The following KCTD8 variants were observed in gnomAD, a reference collection of about 807,000 sequenced individuals.
KCTD8 encodes potassium channel tetramerization domain containing 8, also known as BTB/POZ domain-containing protein KCTD8.
In KCTD8, 27 loss-of-function variants were observed where a neutral mutation model predicts 31.5. The ratio of observed to expected loss-of-function variants is 0.86; its 90% CI spans 0.63 to 1.18. The LOEUF (loss-of-function observed/expected upper bound fraction) is 1.18, where lower values mean the gene tolerates loss of function less well. Among genes scored for constraint, KCTD8 ranks in the 50% most tolerant of loss-of-function variants. KCTD8 has a pLI of 0.00. For missense variants in KCTD8, 658 were observed against 647.7 expected (o/e 1.02, Z -0.17); for synonymous variants, 290 against 280.0 (o/e 1.04, Z -0.36).
intron 1 of KCTD8, among the ~76,000 whole-genome samples, chr4:44,384,432 G>A (rs1577647885): frequency 6.6e-6 from 1 of 151,852 alleles, no homozygotes; most frequent in Non-Finnish European, 1.5e-5. Context: ...TTTTAAAAAT[G>A]TGGTATATAC....
intron 1 of KCTD8, among the ~76,000 whole-genome samples, chr4:44,228,293 T>C (rs955488390): frequency 6.6e-6 from 1 of 152,198 alleles, no homozygotes; most frequent in African/African-American, 2.4e-5. Flanking sequence ...TGTCTTCTCA[T>C]GGTCTTCTCT....
At chr4:44,215,087 A>C (rs1327001375) in intron 1 of KCTD8, among the ~76,000 whole-genome samples, 1 of 151,790 alleles carries the variant, frequency 6.6e-6, no homozygotes, top group African/African-American at 2.4e-5. Context: ...ATCAATCAAC[A>C]CTCCCCACTT....
chr4:44,213,899 C>T (rs1714566265), intron 1 of KCTD8, among the ~76,000 whole-genome samples: 1 of 152,110 alleles, frequency 6.6e-6, no homozygotes. Flanking sequence ...CTCTGAAAAA[C>T]TCCCCTTTTA....
intron 1 of KCTD8, among the ~76,000 whole-genome samples, chr4:44,323,929 A>T (rs1718373844): frequency 2.0e-5 from 3 of 151,912 alleles, no homozygotes; most frequent in Non-Finnish European, 4.4e-5. Context: ...GCATTGGGAG[A>T]TATACCTAAT....
At chr4:44,409,572 G>C (rs1347774540) in intron 1 of KCTD8, among the ~76,000 whole-genome samples, 2 of 152,062 alleles carry the variant, frequency 1.3e-5, no homozygotes, top group African/African-American at 2.4e-5. Flanking sequence ...GGGAGCTTGG[G>C]AGATACCTGT....
At chr4:44,345,773 A>G (rs1488752331) in intron 1 of KCTD8, among the ~76,000 whole-genome samples, 2 of 152,112 alleles carry the variant, frequency 1.3e-5, no homozygotes, top group Admixed American at 1.3e-4. Flanking sequence ...TATCCTCTCA[A>G]CTAGACTCCA....
In KCTD8 at chr4:44,338,403, T is replaced by C. The variant is rs532055020; in HGVS notation, c.961+109160A>G. ...AAGTGAAGGTTTAACAGGTAAAGCT[T>C]ATATCTCTAGGAAAACTATTCAGTA... On this transcript the variant is annotated intron_variant, in intron 1 of 1. Coordinates refer to ENST00000360029, the MANE Select transcript of KCTD8 (RefSeq NM_198353.3). Among the ~76,000 whole-genome samples, 249 of 152,148 alleles carry C rather than the reference T, an allele frequency of 1.6e-3. 1 individual carries two copies. Among genetic ancestry groups the C allele is most frequent in the Non-Finnish European group, 2.7e-3 (187 of 68,014 alleles).
chr4:44,256,801 A>AGTTGTC (rs1716005700), intron 1 of KCTD8, among the ~76,000 whole-genome samples: 1 of 151,920 alleles, frequency 6.6e-6, no homozygotes, highest in South Asian at 2.1e-4. Context: ...AAAAGGCAAG[A>AGTTGTC]ACTTCAAGGA....
At chr4:44,323,383 A>T (rs1208878987) in intron 1 of KCTD8, among the ~76,000 whole-genome samples, 1 of 151,220 alleles carries the variant, frequency 6.6e-6, no homozygotes, top group Non-Finnish European at 1.5e-5. Context: ...AATCCCAGCT[A>T]CTTGGGAGGC....
chr4:44,338,068 T>C (rs1259196889), intron 1 of KCTD8, among the ~76,000 whole-genome samples: 2 of 152,054 alleles, frequency 1.3e-5, no homozygotes, highest in Non-Finnish European at 2.9e-5. Context: ...TAAATCAGCA[T>C]TGCATCATCA....
intron 1 of KCTD8, among the ~76,000 whole-genome samples, chr4:44,414,756 C>T (rs759797660): frequency 1.3e-5 from 2 of 152,156 alleles, no homozygotes; most frequent in Non-Finnish European, 2.9e-5. Context: ...AATGCACTCT[C>T]CAGTGTTGAA....
At position 44,191,816 on chromosome 4, in the gene KCTD8, C is replaced by G. The variant is rs542795278; in HGVS notation, c.962-16566G>C. ...ACCCTCATCAGTAATTCTAATTTTG[C>G]CCTTTGCCTTGTGATCTTTGCTTTC... On this transcript the variant is annotated intron_variant, in intron 1 of 1. Coordinates refer to ENST00000360029, the MANE Select transcript of KCTD8 (RefSeq NM_198353.3). 3.9e-5 allele frequency among the ~76,000 whole-genome samples: 6 copies of G among 152,256 alleles called. No homozygotes were observed. The East Asian group carries it at 9.7e-4, about 25-fold the overall frequency.
At chr4:44,252,053 T>A (rs1389441799) in intron 1 of KCTD8, among the ~76,000 whole-genome samples, 1 of 151,742 alleles carries the variant, frequency 6.6e-6, no homozygotes, top group East Asian at 1.9e-4. Context: ...ACTGTATGAT[T>A]CTTATGCCTT....
intron 1 of KCTD8, among the ~76,000 whole-genome samples, chr4:44,435,279 G>A (rs564121013): frequency 4.0e-4 from 61 of 151,996 alleles, no homozygotes; most frequent in African/African-American, 1.3e-3. Context: ...GAATTTAAGT[G>A]ATTTTCATGA....
intron 1 of KCTD8, among the ~76,000 whole-genome samples, chr4:44,323,807 T>C (rs1272865530): frequency 5.3e-5 from 8 of 151,924 alleles, no homozygotes; most frequent in African/African-American, 1.7e-4. Context: ...TACTAGAATG[T>C]TTCTTGATTG....
At chr4:44,443,635 C>A (rs1283490912) in intron 1 of KCTD8, among the ~76,000 whole-genome samples, 4 of 152,156 alleles carry the variant, frequency 2.6e-5, no homozygotes, top group Non-Finnish European at 5.9e-5. Flanking sequence ...TAAAGAATAT[C>A]AAGTACAACC....
rs145382792 is a variant in KCTD8 at position 44,441,312 on chromosome 4, T to C, written c.961+6251A>G. Among the ~76,000 whole-genome samples the C allele has an allele frequency of 8.5e-5, 13 of 152,272 alleles. No individual in the cohort carries two copies. In the East Asian group the frequency reaches 2.3e-3, roughly 27 times the overall value. ...TGTTTTATCAAACCTATAACTTGGT[T>C]ACCCTCAAAAGTGTTAAATGGACTC... is the stretch of plus-strand genomic sequence containing the variant. On this transcript the variant is annotated intron_variant, in intron 1 of 1. Coordinates refer to ENST00000360029, the MANE Select transcript of KCTD8 (RefSeq NM_198353.3).
intron 1 of KCTD8, among the ~76,000 whole-genome samples, chr4:44,264,680 C>A (rs781367338): frequency 2.6e-5 from 4 of 152,180 alleles, no homozygotes; most frequent in South Asian, 2.1e-4. Flanking sequence ...GTCACTCCCC[C>A]CCGAATACTG....
intron 1 of KCTD8, among the ~76,000 whole-genome samples, chr4:44,302,126 T>C (rs1717643114): frequency 6.6e-6 from 1 of 152,170 alleles, no homozygotes; most frequent in Admixed American, 6.5e-5. Flanking sequence ...TGTAGCCTTG[T>C]AGTATAGTTT....
Sources: gnomAD v4.1 joint callset for allele counts (sites outside exome capture counted in the v4.1 genomes callset) on GRCh38, gnomAD v4.1.1 for gene constraint, MANE v1.5 for transcripts, NCBI Gene and HGNC (gene_info 2026-07-23, HGNC 2026-07-21) for gene names.